The following MAPK6 variants were observed in gnomAD, a reference collection of about 807,000 sequenced individuals.
The protein encoded by MAPK6 is ERK-3.
Under a neutral mutation model 59.3 loss-of-function variants are expected in MAPK6, and 19 were observed. The ratio of observed to expected loss-of-function variants is 0.32; its 90% confidence interval spans 0.22 to 0.47. MAPK6 has a LOEUF of 0.47. MAPK6 is among the 20% of genes least tolerant of loss of function. The pLI is 1.00. For synonymous variants in MAPK6, 316 were observed against 290.3 expected (o/e 1.09, Z -0.90); for missense variants, 724 against 847.9 (o/e 0.85, Z 1.81).
chr15:51,997,124 C>T (rs1331487571), intron 2 of MAPK6, among the ~76,000 whole-genome samples: 9 of 151,402 alleles, frequency 5.9e-5, no homozygotes, highest in Middle Eastern at 3.2e-3. Flanking sequence ...GGATTACAGG[C>T]GCCCGCCACT....
At chr15:52,013,934 A>G (rs907892699) in intron 3 of MAPK6, among the ~76,000 whole-genome samples, 2 of 152,100 alleles carry the variant, frequency 1.3e-5, no homozygotes, top group African/African-American at 2.4e-5. Context: ...GTAAAATCCA[A>G]AAGTTTTGGC....
rs532319630 is a variant in MAPK6, at chr15:52,046,074, A to G, written c.-387A>G. 1 of 191,496 alleles carries G rather than the reference A, an allele frequency of 5.2e-6. No homozygotes were observed. Among genetic ancestry groups the G allele is most frequent in the South Asian group, 9.7e-5 (1 of 10,264 alleles). The allele number at this position is 191,496 out of a possible 1,614,324, so 11.9% of individuals were successfully genotyped here. On this transcript the variant is annotated 5_prime_UTR_variant, in exon 2 of 6. In the 5' UTR this introduces an upstream ATG that the reference lacks. Transcript: ENST00000261845. The stretch of plus-strand genomic sequence containing the variant: ...TCTGCACTGTGAGGAGAATGTTCAT[A>G]GAAGCCTGTTGTGTGCATATTTATT...
intron 3 of MAPK6, among the ~76,000 whole-genome samples, chr15:52,055,117 A>AG (rs1435843374): frequency 6.6e-6 from 1 of 152,222 alleles, no homozygotes; most frequent in Non-Finnish European, 1.5e-5. Flanking sequence ...GTAACGAGTC[A>AG]GAAAAACAAG....
intron 2 of MAPK6, among the ~76,000 whole-genome samples, chr15:51,989,845 C>A (rs2057202577): frequency 6.6e-6 from 1 of 152,174 alleles, no homozygotes; most frequent in South Asian, 2.1e-4. Context: ...CTCAAGCGAT[C>A]CTCCCACCTC....
chr15:52,057,207 T>C (rs1378855267), intron 3 of MAPK6: 2 of 152,290 alleles, frequency 1.3e-5, no homozygotes, highest in African/African-American at 4.8e-5. Flanking sequence ...TTCTCTTTCC[T>C]GCTTCAGTAT....
chr15:52,034,885 A>T (rs1695934704), intron 1 of MAPK6, among the ~76,000 whole-genome samples: 1 of 151,648 alleles, frequency 6.6e-6, no homozygotes, highest in South Asian at 2.1e-4. Flanking sequence ...TTTAGTAGAA[A>T]CGCGGTTTCA....
chr15:52,065,961 CTTAA>C lies in MAPK6; in HGVS notation c.*964_*967del, dbSNP rs1308185360. ...TTTATTATAAAATGCTCCTAGAAGT[CTTAA>C]TTGTGTTTATTTTTTAAAAAAACAA... On this transcript the variant is annotated 3_prime_UTR_variant, in exon 6 of 6. Transcript: ENST00000261845. The C allele has an allele frequency of 1.1e-4, 17 of 152,464 alleles. No homozygotes were observed. The highest frequency in any genetic ancestry group is 2.1e-4 in the South Asian group (1 of 4,814). 9.4% of individuals were successfully genotyped at this position (152,464 alleles called of 1,614,324 possible). A position where few individuals can be genotyped will look rare whatever the true frequency, so the allele number is the denominator to read the frequency against.
At chr15:51,995,599 C>T (rs528655754) in intron 2 of MAPK6, among the ~76,000 whole-genome samples, 5 of 152,262 alleles carry the variant, frequency 3.3e-5, no homozygotes, top group South Asian at 2.1e-4. Flanking sequence ...TAGCTGCCTC[C>T]GCTATAGTTG....
intron 1 of MAPK6, among the ~76,000 whole-genome samples, chr15:52,037,174 A>G (rs1355680768): frequency 1.3e-5 from 2 of 152,160 alleles, no homozygotes; most frequent in Non-Finnish European, 2.9e-5. Context: ...GTGTGTGCCT[A>G]TAGTCCCAGC....
chr15:52,047,608 A>AATGCT (rs1254936635), intron 2 of MAPK6, among the ~76,000 whole-genome samples: 1 of 149,462 alleles, frequency 6.7e-6, no homozygotes, highest in Non-Finnish European at 1.5e-5. Context: ...AGCCTCCCAA[A>AATGCT]ATGCTAGGAT....
At chr15:52,058,538 A>G in intron 3 of MAPK6, 95 bp from the exon 4 acceptor site, 4 of 1,037,862 alleles carry the variant, frequency 3.9e-6, no homozygotes, top group Non-Finnish European at 5.3e-6. Flanking sequence ...TTTTCCCCCC[A>G]CTGGTCATTA....
At chr15:51,999,630 T>G (rs1048245569) in intron 2 of MAPK6, among the ~76,000 whole-genome samples, 3 of 152,126 alleles carry the variant, frequency 2.0e-5, no homozygotes, top group African/African-American at 7.2e-5. Context: ...AGTTTCCCTC[T>G]TTTTATTTAT....
chr15:52,031,495 C>T (rs1262471456), intron 1 of MAPK6, among the ~76,000 whole-genome samples: 1 of 152,176 alleles, frequency 6.6e-6, no homozygotes, highest in Non-Finnish European at 1.5e-5. Context: ...CAACACAATG[C>T]TTCACACATA....
At chr15:52,013,350 C>A (rs1308208136) in intron 3 of MAPK6, among the ~76,000 whole-genome samples, 1 of 151,996 alleles carries the variant, frequency 6.6e-6, no homozygotes, top group Non-Finnish European at 1.5e-5. Context: ...TGATTTATAT[C>A]AGACATTTTC....
At chr15:52,043,895 C>T (rs1315351452) in intron 1 of MAPK6, among the ~76,000 whole-genome samples, 1 of 151,262 alleles carries the variant, frequency 6.6e-6, no homozygotes, top group Non-Finnish European at 1.5e-5. Flanking sequence ...CCAGCCTTAC[C>T]CTCCTGAGTA....
chr15:52,023,116 A>AC lies in MAPK6; in HGVS notation c.-632+3740_-632+3741insC, dbSNP rs1161765714. On this transcript the variant is annotated intron_variant, in intron 1 of 5. Coordinates refer to ENST00000261845, the MANE Select transcript of MAPK6 (RefSeq NM_002748.4). ...AGCGAGACTCCGTCTCAAAAAAAAA[A>AC]AAAAAAAAAAAACCGAAAAACAAAC... 1.7e-4 allele frequency among the ~76,000 whole-genome samples: 25 copies of AC among 151,166 alleles called. 1 individual carries two copies. The highest frequency in any genetic ancestry group is 7.9e-4 in the Admixed American group (12 of 15,198).
chr15:52,006,813 C>G (rs955760672), intron 3 of MAPK6, among the ~76,000 whole-genome samples: 1 of 152,010 alleles, frequency 6.6e-6, no homozygotes, highest in African/African-American at 2.4e-5. Flanking sequence ...AGTTGTTTAC[C>G]TGGGTCTAAC....
chr15:51,985,421 G>A (rs552193700), intron 2 of MAPK6, among the ~76,000 whole-genome samples: 72 of 152,114 alleles, frequency 4.7e-4, no homozygotes, highest in Non-Finnish European at 9.1e-4. Flanking sequence ...TTGGGAGGCC[G>A]AGGTGGGCAG....
chr15:51,975,892 CTTACTGAA>C (rs1409710354), intron 1 of MAPK6, among the ~76,000 whole-genome samples: 4 of 151,874 alleles, frequency 2.6e-5, no homozygotes, highest in African/African-American at 9.7e-5. Flanking sequence ...TACTGGATTC[CTTACTGAA>C]TTACTGAATT....
Sources: allele counts gnomAD v4.1 joint callset (sites outside exome capture counted in the v4.1 genomes callset), GRCh38; gene constraint gnomAD v4.1.1; transcripts MANE v1.5; gene names NCBI Gene and HGNC (gene_info 2026-07-23, HGNC 2026-07-21).